Variants in ANO9 observed in about 807,000 individuals in gnomAD.
ANO9 encodes anoctamin 9.
Under a neutral mutation model 100.5 loss-of-function variants are expected in ANO9, and 80 were observed. The ratio of observed to expected loss-of-function variants is 0.80; its 90% CI spans 0.66 to 0.96. The LOEUF (loss-of-function observed/expected upper bound fraction) is 0.96. Among genes scored for constraint, ANO9 ranks in the 40% least tolerant of loss-of-function variants. The pLI is 0.00. For missense variants in ANO9, 1,064 were observed against 1,072.7 expected, an observed-to-expected ratio of 0.99 and a Z score of 0.11; for synonymous variants, 473 against 435.6, an observed-to-expected ratio of 1.09 and a Z score of -1.07.
chr11:438,348 T>G, intron 1 of ANO9, among the ~76,000 whole-genome samples: 1 of 141,170 alleles, frequency 7.1e-6, no homozygotes, highest in Non-Finnish European at 1.5e-5. Context: ...GCCAGACAGG[T>G]GGAGTCCCCC....
At chr11:429,961 G>T in intron 9 of ANO9, 122 bp downstream of exon 9, 3 of 1,342,306 alleles carry the variant, frequency 2.2e-6, no homozygotes, top group South Asian at 1.3e-5. Flanking sequence ...GGGCCTCCCC[G>T]TCAGCCCTGT....
intron 19 of ANO9, chr11:420,023 C>T: frequency 1.5e-6 from 2 of 1,347,804 alleles, no homozygotes; most frequent in Non-Finnish European, 1.9e-6. Context: ...GTTCCCACCC[C>T]AGGGTAAGAC....
In ANO9 at chr11:418,261, TG is replaced by T; in HGVS notation, c.*109del. 1.8e-6 allele frequency: 2 copies of T among 1,132,254 alleles called. No homozygotes were observed. The highest frequency in any genetic ancestry group is 2.5e-6 in the Non-Finnish European group (2 of 815,888). The allele number at this position is 1,132,254 out of a possible 1,614,324, so 70.1% of individuals were successfully genotyped here. A position where few individuals can be genotyped will look rare whatever the true frequency, so the allele number is the denominator to read the frequency against. ...TACAGGGGATTCCTGCGGCCCCACA[TG>T]GGCACAGCCTTCTCACAGCACCCCT... On this transcript the variant is annotated 3_prime_UTR_variant, in exon 23 of 23. Transcript: ENST00000332826.
At position 420,931 on chromosome 11, in the gene ANO9, G is replaced by A; in HGVS notation, c.1490+14C>T. ...GCCTGGGGCTCCCGGGGCTGGGCGG[G>A]GGTCGGCACTCACGGGACCAGGTAC... On this transcript the variant is annotated intron_variant, in intron 17 of 22. Coordinates refer to ENST00000332826, the MANE Select transcript of ANO9 (RefSeq NM_001012302.3). The A allele has an allele frequency of 2.5e-6, 4 of 1,600,960 alleles. No homozygotes were observed. Among genetic ancestry groups the A allele is most frequent in the Non-Finnish European group, 3.4e-6 (4 of 1,172,774 alleles).
chr11:432,427 C>T lies in ANO9; in HGVS notation c.351-373G>A, dbSNP rs376716189. The T allele has an allele frequency of 3.3e-5, 10 of 302,242 alleles. No homozygotes were observed. The highest frequency in any genetic ancestry group is 1.3e-4 in the African/African-American group (6 of 46,836). 18.7% of individuals were successfully genotyped at this position (302,242 alleles called of 1,614,324 possible). ...GCATCCGCACACACCCTCCTTATAC[C>T]CTGGAGCTGTTCTGTTCCACTGTGC... On this transcript the variant is annotated intron_variant, in intron 4 of 22. Coordinates refer to ENST00000332826, the MANE Select transcript of ANO9 (RefSeq NM_001012302.3). This position sits in a 1 kb window ranked among gnomAD's most constrained non-coding sequence, Gnocchi z 4.8.
intron 1 of ANO9, 123 bp downstream of exon 1, chr11:441,798 G>A (rs1845894307): frequency 7.1e-7 from 1 of 1,410,224 alleles, no homozygotes; most frequent in South Asian, 1.4e-5. Context: ...AGCCTGCAGG[G>A]ACCCCCCCCA....
rs960074176 is a variant in ANO9, at chr11:418,162, G to T, written c.*209C>A. ...CCAGGGTCACCCAGAGTTCAAGTCAGGGCTGTGCCAAGCCTGAGAGCCCCC... is the reference window on the plus strand; with the variant it reads ...CCAGGGTCACCCAGAGTTCAAGTCATGGCTGTGCCAAGCCTGAGAGCCCCC... On this transcript the variant is annotated 3_prime_UTR_variant, in exon 23 of 23. Coordinates refer to ENST00000332826, the MANE Select transcript of ANO9 (RefSeq NM_001012302.3). The T allele has an allele frequency of 3.4e-6, 2 of 590,672 alleles. No homozygotes were observed. Among genetic ancestry groups the T allele is most frequent in the Non-Finnish European group, 5.9e-6 (2 of 338,888 alleles). The allele number at this position is 590,672 out of a possible 1,614,324, so 36.6% of individuals were successfully genotyped here.
At position 423,077 on chromosome 11, in the gene ANO9, C is replaced by A. The variant is rs192156980; in HGVS notation, c.1335-1879G>T. Among the ~76,000 whole-genome samples, 280 of 152,324 alleles carry A rather than the reference C, an allele frequency of 1.8e-3. 1 individual carries two copies. Among genetic ancestry groups the A allele is most frequent in the African/African-American group, 6.0e-3 (248 of 41,572 alleles). On this transcript the variant is annotated intron_variant, in intron 15 of 22. Coordinates refer to ENST00000332826, the MANE Select transcript of ANO9 (RefSeq NM_001012302.3). ...ACTCCTGACCTCATGATCCGCCCAC[C>A]TCGGCCTCCCAAAGTGCTGGGATTA...
intron 1 of ANO9, among the ~76,000 whole-genome samples, chr11:434,908 TC>T (rs1849330687): frequency 6.6e-6 from 1 of 152,162 alleles, no homozygotes; most frequent in Non-Finnish European, 1.5e-5. Context: ...TCACACCTGG[TC>T]CCTGCACCTG....
rs936981392 is a variant in ANO9, at chr11:430,261, C to T, written c.674+8G>A. 1.3e-5 allele frequency: 21 copies of T among 1,559,352 alleles called. No homozygotes were observed. Among genetic ancestry groups the T allele is most frequent in the Admixed American group, 3.8e-5 (2 of 52,458 alleles). On this transcript the variant is annotated splice_region_variant and intron_variant, in intron 8 of 22. Coordinates refer to ENST00000332826, the MANE Select transcript of ANO9 (RefSeq NM_001012302.3). ...GGCCCCCCATGCCCGGCCCCTGCTGCGGCCCACCTGATCTGGCTGGCCTCA... is the reference window on the plus strand; with the variant it reads ...GGCCCCCCATGCCCGGCCCCTGCTGTGGCCCACCTGATCTGGCTGGCCTCA...
In ANO9 at chr11:428,643, C is replaced by T. The variant is rs560312746; in HGVS notation, c.1021-4G>A. Reference sequence around the variant, plus strand: ...CCATGCCGATCATGAGGCAGATCTGCGGGACAGCTGTGGTGGGCGGGGGCC... The same window carrying T: ...CCATGCCGATCATGAGGCAGATCTGTGGGACAGCTGTGGTGGGCGGGGGCC... On this transcript the variant is annotated splice_region_variant and splice_polypyrimidine_tract_variant and intron_variant, in intron 12 of 22. Transcript: ENST00000332826. 2.6e-4 allele frequency: 424 copies of T among 1,611,444 alleles called. 10 individuals are homozygous for T. The South Asian group carries it at 4.1e-3, about 16-fold the overall frequency.
chr11:434,157 T>G, intron 1 of ANO9, 59 bp from the exon 2 acceptor site: 1 of 1,520,742 alleles, frequency 6.6e-7, no homozygotes, highest in Admixed American at 2.0e-5. Flanking sequence ...TAGATGCCCC[T>G]CATTGGCGGG....
In ANO9 at chr11:428,178, T is replaced by G; in HGVS notation, c.1244A>C (p.Glu415Ala). ...GCGGATGGTGAACCTGCTCTCTCGC[T>G]CCGAGAAGGTCCTGGGCATCTCTGG... ...CDFEMPRTFS[E>A]RESRFTIRFF... Residue 415 changes from glutamate to alanine, a missense_variant, in exon 15 of 23, where the codon GAG (glutamate) becomes GCG (alanine). Coordinates refer to ENST00000332826, the MANE Select transcript of ANO9 (RefSeq NM_001012302.3). 1 of 1,611,860 alleles carries G rather than the reference T, an allele frequency of 6.2e-7. No individual in the cohort carries two copies. The highest frequency in any genetic ancestry group is 8.5e-7 in the Non-Finnish European group (1 of 1,179,666).
intron 1 of ANO9, among the ~76,000 whole-genome samples, chr11:438,453 A>AC (rs1402791294): frequency 1.3e-4 from 9 of 68,824 alleles, no homozygotes; most frequent in Non-Finnish European, 2.2e-4. Context: ...AGGTGTAGCC[A>AC]CCCCCTGACA....
intron 1 of ANO9, among the ~76,000 whole-genome samples, chr11:438,934 A>G (rs1321159200): frequency 1.3e-5 from 2 of 152,112 alleles, no homozygotes; most frequent in African/African-American, 4.8e-5. Flanking sequence ...CTACACACTC[A>G]GTCTGAGGGC....
rs556944864 is a variant in ANO9 at position 419,488 on chromosome 11, A to G, written c.1934+94T>C. 6 of 1,521,488 alleles carry G rather than the reference A, an allele frequency of 3.9e-6. No individual in the cohort carries two copies. In the African/African-American group the frequency reaches 8.2e-5, roughly 21 times the overall value. 94.2% of individuals were successfully genotyped at this position (1,521,488 alleles called of 1,614,324 possible). On this transcript the variant is annotated intron_variant, in intron 20 of 22. Coordinates refer to ENST00000332826, the MANE Select transcript of ANO9 (RefSeq NM_001012302.3). Reference sequence around the variant, plus strand: ...AAGCCCCAGGGGTACCAACAGGTCCAGCCATTCCCAGGAGAAAGGGTCTGG... The same window carrying G: ...AAGCCCCAGGGGTACCAACAGGTCCGGCCATTCCCAGGAGAAAGGGTCTGG...
At chr11:419,835 G>A in intron 19 of ANO9, 106 bp from the exon 20 acceptor site, 1 of 1,528,504 alleles carries the variant, frequency 6.5e-7, no homozygotes, top group Middle Eastern at 2.4e-4. Flanking sequence ...TCTGTGCGTG[G>A]TGTCCCCTTG....
At position 439,834 on chromosome 11, in the gene ANO9, G is replaced by C. The variant is rs181171720; in HGVS notation, c.6+2087C>G. ...GAAGCCAGTCTTCTGCCCACCCCCC[G>C]GCCCCTCCAGCTGTCCAGTCTGTCA... is the stretch of plus-strand genomic sequence containing the variant. On this transcript the variant is annotated intron_variant, in intron 1 of 22. Coordinates refer to ENST00000332826, the MANE Select transcript of ANO9 (RefSeq NM_001012302.3). 8.0e-3 allele frequency among the ~76,000 whole-genome samples: 1,215 copies of C among 151,512 alleles called. 13 individuals are homozygous for C. Among genetic ancestry groups the C allele is most frequent in the Non-Finnish European group, 7.9e-3 (539 of 67,876 alleles).
Position 429,827 on chromosome 11 carries a change from G to T in ANO9, c.772-9C>A, listed in dbSNP as rs1343768947. On this transcript the variant is annotated splice_polypyrimidine_tract_variant and intron_variant, in intron 9 of 22. Transcript: ENST00000332826. Reference sequence around the variant, plus strand: ...TCAAAGAGGTGGGTGAGCTGGGGGGGTGATAGGTGGGCCGGAGAGGAGGTG... The same window carrying T: ...TCAAAGAGGTGGGTGAGCTGGGGGGTTGATAGGTGGGCCGGAGAGGAGGTG... 2 of 1,595,412 alleles carry T rather than the reference G, an allele frequency of 1.3e-6. No individual in the cohort carries two copies. The highest frequency in any genetic ancestry group is 1.7e-4 in the Middle Eastern group (1 of 5,872).
Sources: allele counts gnomAD v4.1 joint callset (sites outside exome capture counted in the v4.1 genomes callset), GRCh38; gene constraint gnomAD v4.1.1; non-coding constraint Gnocchi (gnomAD v3.1); transcripts MANE v1.5; gene names NCBI Gene and HGNC (gene_info 2026-07-23, HGNC 2026-07-21).